C16orf95: variants seen among roughly 807,000 people sequenced by gnomAD.
C16orf95 encodes chromosome 16 open reading frame 95, also known as uncharacterized protein C16orf95.
In C16orf95, 41 loss-of-function variants were observed where a neutral mutation model predicts 32.1. That is an observed-to-expected ratio of 1.28 (90% CI 1.00 to 1.66). C16orf95 has a LOEUF of 1.66. C16orf95 is among the 40% of genes most tolerant of loss of function. The pLI, the probability that C16orf95 is intolerant of heterozygous loss-of-function variation, is 0.00. For synonymous variants in C16orf95, 147 were observed against 128.9 expected (o/e 1.14, Z -0.95); for missense variants, 399 against 325.9 (o/e 1.22, Z -1.73).
chr16:87,316,994 A>T, intron 1 of C16orf95, 97 bp downstream of exon 1: 6 of 1,394,820 alleles, frequency 4.3e-6, no homozygotes, highest in Non-Finnish European at 5.6e-6. Flanking sequence ...GTGGCGGTCA[A>T]GAGTTCTGCC....
chr16:87,305,398 T>A lies in C16orf95; in HGVS notation c.701+321A>T, dbSNP rs1047008078. On this transcript the variant is annotated intron_variant, in intron 6 of 6. Coordinates refer to ENST00000567970, the MANE Select transcript of C16orf95 (RefSeq NM_001195124.3). The surrounding 1 kb of genome is among the most constrained non-coding windows in gnomAD (Gnocchi z 4.2). ...TTAAGATGCACCGTCAACCCCAACA[T>A]AACAATGAAAATTTATGGAAACTGG... Among the ~76,000 whole-genome samples the A allele has an allele frequency of 1.5e-4, 22 of 151,360 alleles. No individual in the cohort carries two copies. Among genetic ancestry groups the A allele is most frequent in the Non-Finnish European group, 1.6e-4 (11 of 67,772 alleles).
rs780867924 is a variant in C16orf95, at chr16:87,311,342, A to G, written c.331-46T>C. On this transcript the variant is annotated intron_variant, in intron 3 of 6. Transcript: ENST00000567970. ...AGAAGATTCAGAAGGGGATGGAGCC[A>G]TGCCTGTCCCCAATGACTCCCTGAT... 3.4e-6 allele frequency: 5 copies of G among 1,475,430 alleles called. No homozygotes were observed. In the South Asian group the frequency reaches 6.5e-5, roughly 19 times the overall value. 91.4% of individuals were successfully genotyped at this position (1,475,430 alleles called of 1,614,324 possible).
chr16:87,311,265 T>TG lies in C16orf95; in HGVS notation c.361dup (p.Gln121ProfsTer21). ...TAGGCAGGGGCACATCTTGGCGGTTTGGGGGATAGGAAATTGAACCGTCTT... is the reference window on the plus strand; with the variant it reads ...TAGGCAGGGGCACATCTTGGCGGTTTGGGGGGATAGGAAATTGAACCGTCTT... On this transcript the variant is annotated frameshift_variant, in exon 4 of 7. Coordinates refer to ENST00000567970, the MANE Select transcript of C16orf95 (RefSeq NM_001195124.3). LOFTEE classifies it high-confidence loss of function. 6.5e-7 allele frequency: 1 copy of TG among 1,532,792 alleles called. No homozygotes were observed. 94.9% of individuals were successfully genotyped at this position (1,532,792 alleles called of 1,614,324 possible). A position where few individuals can be genotyped will look rare whatever the true frequency, so the allele number is the denominator to read the frequency against.
chr16:87,307,064 T>C (rs1433628196), intron 5 of C16orf95, among the ~76,000 whole-genome samples: 1 of 152,202 alleles, frequency 6.6e-6, no homozygotes, highest in African/African-American at 2.4e-5. Context: ...CCCCTGCCTC[T>C]GGGGGTTCCA....
intron 5 of C16orf95, among the ~76,000 whole-genome samples, chr16:87,308,182 C>A (rs74251048): frequency 1.3e-5 from 2 of 152,058 alleles, no homozygotes; most frequent in East Asian, 3.9e-4. Context: ...TCAAAACACT[C>A]CCATAATAAG....
At position 87,317,184 on chromosome 16, in the gene C16orf95, G is replaced by A. The variant is rs1284628996; in HGVS notation, c.59C>T (p.Thr20Ile). The A allele has an allele frequency of 6.5e-7, 1 of 1,530,180 alleles. No homozygotes were observed. The highest frequency in any genetic ancestry group is 2.5e-5 in the East Asian group (1 of 40,298). The allele number at this position is 1,530,180 out of a possible 1,614,324, so 94.8% of individuals were successfully genotyped here. A position where few individuals can be genotyped will look rare whatever the true frequency, so the allele number is the denominator to read the frequency against. The change falls in exon 1 of 7, where the codon ACT (threonine) becomes ATT (isoleucine). Residue 20 changes from threonine to isoleucine, a missense_variant. Thr to Ile is a moderately conservative substitution (Grantham distance 89). Transcript: ENST00000567970. The stretch of plus-strand genomic sequence containing the variant: ...GGCAGCAGCGCCTGAGGCTGCTCCA[G>A]TGGCCTCATGATGATGGTGACAACG... ...PRRCHHHHEATGAASGAAAGG... is the reference protein window; with the variant it reads ...PRRCHHHHEAIGAASGAAAGG...
At chr16:87,311,557 C>CTGGCGGAGCACCA (rs1429369248) in intron 3 of C16orf95, among the ~76,000 whole-genome samples, 2 of 152,228 alleles carry the variant, frequency 1.3e-5, no homozygotes, top group African/African-American at 4.8e-5. Context: ...CCATCTGCAC[C>CTGGCGGAGCACCA]TGTGCCCTGG....
rs76611543 is a variant in C16orf95, at chr16:87,305,383, C to T, written c.701+336G>A. Among the ~76,000 whole-genome samples, 4,143 of 152,004 alleles carry T rather than the reference C, an allele frequency of 0.027. 87 individuals are homozygous for T. Among genetic ancestry groups the T allele is most frequent in the Middle Eastern group, 0.065 (19 of 292 alleles). On this transcript the variant is annotated intron_variant, in intron 6 of 6. Coordinates refer to ENST00000567970, the MANE Select transcript of C16orf95 (RefSeq NM_001195124.3). This position sits in a 1 kb window ranked among gnomAD's most constrained non-coding sequence, Gnocchi z 4.2. ...GAGGGTGAGTGGCTGTTAAGATGCA[C>T]CGTCAACCCCAACATAACAATGAAA...
At chr16:87,314,766 G>A (rs1157809555) in intron 3 of C16orf95, among the ~76,000 whole-genome samples, 2 of 152,222 alleles carry the variant, frequency 1.3e-5, no homozygotes, top group African/African-American at 4.8e-5. Flanking sequence ...TCATGCACAT[G>A]TGTGAGGTGT....
At chr16:87,316,714 C>T (rs538121090) in intron 1 of C16orf95, among the ~76,000 whole-genome samples, 3 of 152,162 alleles carry the variant, frequency 2.0e-5, no homozygotes, top group East Asian at 3.9e-4. Flanking sequence ...ACTGCCCAGC[C>T]TGGAAAGCTG....
rs1007309517 is a variant in C16orf95 at position 87,303,008 on chromosome 16, C to T, written c.*49G>A. ...TTGGTGGACTCTCAAAGATCTTGAT[C>T]GTGACACATTTTTGTGGCTGTTCTT... is the stretch of plus-strand genomic sequence containing the variant. On this transcript the variant is annotated 3_prime_UTR_variant, in exon 7 of 7. Coordinates refer to ENST00000567970, the MANE Select transcript of C16orf95 (RefSeq NM_001195124.3). The T allele has an allele frequency of 1.1e-5, 17 of 1,529,860 alleles. No individual in the cohort carries two copies. Among genetic ancestry groups the T allele is most frequent in the East Asian group, 4.9e-5 (2 of 40,884 alleles). 94.8% of individuals were successfully genotyped at this position (1,529,860 alleles called of 1,614,324 possible). A position where few individuals can be genotyped will look rare whatever the true frequency, so the allele number is the denominator to read the frequency against.
chr16:87,308,251 G>C (rs953056741), intron 5 of C16orf95, among the ~76,000 whole-genome samples: 3 of 152,100 alleles, frequency 2.0e-5, no homozygotes, highest in African/African-American at 7.2e-5. Flanking sequence ...GGGAGGCCAA[G>C]GTGGGAGGAT....
intron 5 of C16orf95, among the ~76,000 whole-genome samples, chr16:87,307,947 G>C (rs1911100272): frequency 6.6e-6 from 1 of 151,996 alleles, no homozygotes; most frequent in South Asian, 2.1e-4. Context: ...GAAGAAAATG[G>C]GTGCCCTTTA....
At position 87,306,097 on chromosome 16, in the gene C16orf95, G is replaced by C. The variant is rs1367913148; in HGVS notation, c.515-192C>G. On this transcript the variant is annotated intron_variant, in intron 5 of 6. Coordinates refer to ENST00000567970, the MANE Select transcript of C16orf95 (RefSeq NM_001195124.3). ...CGTCTTGCGGGTTTATGATATCCTG[G>C]GTAACGGCAGCCTTGGGGCTGTTTT... is the stretch of plus-strand genomic sequence containing the variant. The C allele has an allele frequency of 1.4e-5, 6 of 432,204 alleles. No homozygotes were observed. The East Asian group carries it at 2.2e-4, about 16-fold the overall frequency. The allele number at this position is 432,204 out of a possible 1,614,324, so 26.8% of individuals were successfully genotyped here.
chr16:87,304,954 T>C (rs898417112), intron 6 of C16orf95, among the ~76,000 whole-genome samples: 32 of 152,228 alleles, frequency 2.1e-4, no homozygotes, highest in Admixed American at 6.5e-5. Context: ...TTCGACTGTG[T>C]GTGTGCGTTT....
At position 87,303,829 on chromosome 16, in the gene C16orf95, G is replaced by C. The variant is rs60974020; in HGVS notation, c.702-754C>G. Among the ~76,000 whole-genome samples, 597 of 152,220 alleles carry C rather than the reference G, an allele frequency of 3.9e-3. 2 individuals are homozygous for C. Among genetic ancestry groups the C allele is most frequent in the African/African-American group, 0.014 (573 of 41,530 alleles). Reference sequence around the variant, plus strand: ...ACTTCTGGGGAACTTCAAAACAAGAGCATGCCCAGGCCCTCCCCAGAACAG... The same window carrying C: ...ACTTCTGGGGAACTTCAAAACAAGACCATGCCCAGGCCCTCCCCAGAACAG... On this transcript the variant is annotated intron_variant, in intron 6 of 6. Transcript: ENST00000567970.
intron 2 of C16orf95, among the ~76,000 whole-genome samples, 156 bp from the exon 3 acceptor site, chr16:87,315,252 G>T (rs903997671): frequency 5.3e-5 from 8 of 152,200 alleles, no homozygotes. Flanking sequence ...AGGCTACCGT[G>T]GCTCGCCCTG....
chr16:87,303,075 G>A lies in C16orf95; in HGVS notation c.702C>T (p.Arg234=), dbSNP rs1364117655. 8 of 1,535,924 alleles carry A rather than the reference G, an allele frequency of 5.2e-6. No individual in the cohort carries two copies. The highest frequency in any genetic ancestry group is 7.0e-6 in the Non-Finnish European group (8 of 1,146,880). Reference sequence around the variant, plus strand: ...TCCAACTTCAAACCCCAAAACACTGGCTGGAAAGCAAAGAGAGACAGTTAC... The same window carrying A: ...TCCAACTTCAAACCCCAAAACACTGACTGGAAAGCAAAGAGAGACAGTTAC... ...QAIPRVIMAI[R]QCFGV is the part of the protein sequence containing the mutation. The change falls in exon 7 of 7, where the codon CGC becomes CGT. Residue 234 remains arginine, a splice_region_variant and synonymous_variant. Transcript: ENST00000567970.
At chr16:87,315,924 A>G in intron 1 of C16orf95, 101 bp from the exon 2 acceptor site, 1 of 698,090 alleles carries the variant, frequency 1.4e-6, no homozygotes, top group Non-Finnish European at 2.2e-6. Flanking sequence ...GACTCTTAAT[A>G]ATAAAGCCCA....
Sources: allele counts gnomAD v4.1 joint callset (sites outside exome capture counted in the v4.1 genomes callset), GRCh38; gene constraint gnomAD v4.1.1; non-coding constraint Gnocchi (gnomAD v3.1); transcripts MANE v1.5; gene names NCBI Gene and HGNC (gene_info 2026-07-23, HGNC 2026-07-21).